Variants in CHKA observed in about 807,000 individuals in gnomAD.
The protein encoded by CHKA is choline kinase alpha.
A neutral mutation model predicts 60.1 loss-of-function variants in CHKA; 34 were observed. The observed-to-expected ratio is 0.57, with a 90% confidence interval of 0.43 to 0.75. CHKA has a LOEUF of 0.75. CHKA is among the 30% of genes least tolerant of loss of function. CHKA has a pLI of 0.00. For missense variants in CHKA, 563 were observed against 561.3 expected (o/e 1.00, Z -0.03); for synonymous variants, 217 against 223.1 (o/e 0.97, Z 0.24).
chr11:68,087,984 A>T (rs1857234639), intron 2 of CHKA, among the ~76,000 whole-genome samples: 1 of 151,814 alleles, frequency 6.6e-6, no homozygotes, highest in African/African-American at 2.4e-5. Context: ...ATAGTGGCAC[A>T]TGCCTGTAAT....
intron 2 of CHKA, chr11:68,081,663 T>C: frequency 2.0e-6 from 1 of 506,590 alleles, no homozygotes; most frequent in Middle Eastern, 4.3e-4. Context: ...CTTCATTGCT[T>C]TACGAGAAAA....
rs996960421 is a variant in CHKA, at chr11:68,121,296, G to A, written c.-119C>T. 5 of 812,180 alleles carry A rather than the reference G, an allele frequency of 6.2e-6. No homozygotes were observed. The highest frequency in any genetic ancestry group is 1.9e-5 in the African/African-American group (1 of 53,148). 50.3% of individuals were successfully genotyped at this position (812,180 alleles called of 1,614,324 possible). A position where few individuals can be genotyped will look rare whatever the true frequency, so the allele number is the denominator to read the frequency against. ...GCAGGCCGGCGGGGCAGGGGGCCGC[G>A]GCGGTTGGGCGCGCGGGGCGGCGGC... is the stretch of plus-strand genomic sequence containing the variant. On this transcript the variant is annotated 5_prime_UTR_variant, in exon 1 of 12. Coordinates refer to ENST00000265689, the MANE Select transcript of CHKA (RefSeq NM_001277.3).
At position 68,110,778 on chromosome 11, in the gene CHKA, A is replaced by G. The variant is rs564486002; in HGVS notation, c.350+10050T>C. Among the ~76,000 whole-genome samples the G allele has an allele frequency of 1.4e-3, 213 of 152,150 alleles. 2 individuals are homozygous for G. Among genetic ancestry groups the G allele is most frequent in the African/African-American group, 4.6e-3 (191 of 41,508 alleles). On this transcript the variant is annotated intron_variant, in intron 1 of 11. Transcript: ENST00000265689. The stretch of plus-strand genomic sequence containing the variant: ...TTTGGGAGGCCAAGGTGGGCAGATC[A>G]CTTATGGTCAGGAGTTCCGAGACCA...
At chr11:68,072,918 C>G (rs1280781584) in intron 4 of CHKA, among the ~76,000 whole-genome samples, 2 of 152,094 alleles carry the variant, frequency 1.3e-5, no homozygotes, top group Non-Finnish European at 2.9e-5. Context: ...TCACTTGAGT[C>G]CAGGAGTTCG....
chr11:68,053,058 A>G lies in CHKA; in HGVS notation c.*930T>C, dbSNP rs889329719. ...CATACAGGCTGCTGTCTCCCACAAG[A>G]ATGATGATGTCAGGGGCATCAGGAA... is the stretch of plus-strand genomic sequence containing the variant. On this transcript the variant is annotated 3_prime_UTR_variant, in exon 12 of 12. Transcript: ENST00000265689. The G allele has an allele frequency of 5.9e-5, 9 of 152,472 alleles. No homozygotes were observed. The highest frequency in any genetic ancestry group is 7.4e-5 in the Non-Finnish European group (5 of 68,020). The allele number at this position is 152,472 out of a possible 1,614,324, so 9.4% of individuals were successfully genotyped here. A position where few individuals can be genotyped will look rare whatever the true frequency, so the allele number is the denominator to read the frequency against.
chr11:68,120,226 T>C (rs1047682022), intron 1 of CHKA, among the ~76,000 whole-genome samples: 8 of 126,752 alleles, frequency 6.3e-5, no homozygotes, highest in Non-Finnish European at 1.3e-4. Flanking sequence ...CGAAACTCCG[T>C]CTCAAAAAAA....
At chr11:68,119,646 T>C (rs1858528212) in intron 1 of CHKA, among the ~76,000 whole-genome samples, 2 of 152,082 alleles carry the variant, frequency 1.3e-5, no homozygotes, top group Admixed American at 6.6e-5. Flanking sequence ...ATTTTTGTAT[T>C]TTTAGTAGAT....
chr11:68,072,733 T>G (rs1225086914), intron 4 of CHKA, among the ~76,000 whole-genome samples: 3 of 152,076 alleles, frequency 2.0e-5, no homozygotes, highest in Admixed American at 1.3e-4. Flanking sequence ...GGTTCACACC[T>G]GTAATCCTGG....
intron 11 of CHKA, among the ~76,000 whole-genome samples, chr11:68,056,214 G>C (rs1856009916): frequency 6.6e-6 from 1 of 152,098 alleles, no homozygotes. Flanking sequence ...TACTCATTTT[G>C]ATAAAGTCCA....
At chr11:68,064,299 T>G (rs1298404765) in intron 10 of CHKA, among the ~76,000 whole-genome samples, 1 of 151,968 alleles carries the variant, frequency 6.6e-6, no homozygotes, top group East Asian at 1.9e-4. Context: ...TCCCAGCTAC[T>G]TGGGAAGCTG....
rs571330283 is a variant in CHKA at position 68,108,469 on chromosome 11, G to A, written c.351-11339C>T. ...ACTCTTAAAGAAATAAGGTGGCTGG[G>A]CGCAGAGGCTCACGCCTGTAATCCC... On this transcript the variant is annotated intron_variant, in intron 1 of 11. Coordinates refer to ENST00000265689, the MANE Select transcript of CHKA (RefSeq NM_001277.3). Among the ~76,000 whole-genome samples the A allele has an allele frequency of 1.1e-3, 160 of 152,366 alleles. 1 individual carries two copies. Among genetic ancestry groups the A allele is most frequent in the African/African-American group, 3.3e-3 (139 of 41,590 alleles).
intron 7 of CHKA, among the ~76,000 whole-genome samples, chr11:68,067,974 G>C (rs1427446069): frequency 6.6e-6 from 1 of 152,228 alleles, no homozygotes; most frequent in African/African-American, 2.4e-5. Context: ...GTGACTAGGG[G>C]AGGCAAGGTC....
At chr11:68,115,059 TTTTA>T (rs774542897) in intron 1 of CHKA, among the ~76,000 whole-genome samples, 4 of 152,220 alleles carry the variant, frequency 2.6e-5, no homozygotes, top group Non-Finnish European at 5.9e-5. Context: ...CATACAACCA[TTTTA>T]TTTTTCATTT....
chr11:68,094,162 T>C (rs1031257638), intron 2 of CHKA, among the ~76,000 whole-genome samples: 2 of 152,222 alleles, frequency 1.3e-5, no homozygotes, highest in Non-Finnish European at 2.9e-5. Context: ...TGTAAAAGTG[T>C]TGTATAAATG....
intron 11 of CHKA, among the ~76,000 whole-genome samples, chr11:68,054,437 C>T (rs1162070063): frequency 6.6e-6 from 1 of 152,166 alleles, no homozygotes; most frequent in Non-Finnish European, 1.5e-5. Flanking sequence ...GGGACACAGG[C>T]GAGTCTAGAA....
chr11:68,080,149 G>T (rs773051948), intron 3 of CHKA, among the ~76,000 whole-genome samples: 4 of 152,142 alleles, frequency 2.6e-5, no homozygotes, highest in South Asian at 4.1e-4. Context: ...GCTTGGAATG[G>T]TTCACAACAG....
intron 11 of CHKA, 142 bp downstream of exon 11, chr11:68,061,811 C>T: frequency 1.4e-6 from 1 of 693,612 alleles, no homozygotes; most frequent in Non-Finnish European, 2.6e-6. Flanking sequence ...CTGATGCCAC[C>T]AGGTCACCAC....
chr11:68,070,980 A>G, intron 4 of CHKA, 123 bp from the exon 5 acceptor site: 2 of 908,850 alleles, frequency 2.2e-6, no homozygotes, highest in South Asian at 3.7e-5. Flanking sequence ...AATGCCCCAA[A>G]TTCCCTTAAG....
intron 7 of CHKA, among the ~76,000 whole-genome samples, chr11:68,067,639 T>C (rs1202495687): frequency 2.0e-5 from 3 of 152,124 alleles, no homozygotes; most frequent in African/African-American, 7.2e-5. Flanking sequence ...ACAACAAAAT[T>C]AATGTACAAC....
Sources: allele counts gnomAD v4.1 joint callset (sites outside exome capture counted in the v4.1 genomes callset), GRCh38; gene constraint gnomAD v4.1.1; transcripts MANE v1.5; gene names NCBI Gene and HGNC (gene_info 2026-07-23, HGNC 2026-07-21).